The following MCCC2 variants were observed in gnomAD, a reference collection of about 807,000 sequenced individuals.
The protein encoded by MCCC2 is methylcrotonoyl-CoA carboxylase beta chain, mitochondrial.
A neutral mutation model predicts 77.2 loss-of-function variants in MCCC2; 52 were observed. The ratio of observed to expected loss-of-function variants is 0.67; its 90% CI spans 0.54 to 0.85. The LOEUF is 0.85. Ranked by LOEUF, MCCC2 falls within the 40% of genes least tolerant of loss-of-function variation. The pLI is 0.00. For synonymous variants in MCCC2, 253 were observed against 248.4 expected (o/e 1.02, Z -0.18); for missense variants, 682 against 703.2 (o/e 0.97, Z 0.34).
rs554203675 is a variant in MCCC2, at chr5:71,650,974, A to G, written c.1488+791A>G. 1.4e-4 allele frequency among the ~76,000 whole-genome samples: 22 copies of G among 152,072 alleles called. No individual in the cohort carries two copies. The East Asian group carries it at 3.5e-3, about 24-fold the overall frequency. On this transcript the variant is annotated intron_variant, in intron 15 of 16. Coordinates refer to ENST00000340941, the MANE Select transcript of MCCC2 (RefSeq NM_022132.5). ...TAATTTTTGTATTTTTAGTAGAGAC[A>G]GGGTTTCACTATGTTGGCCAGGCTG...
intron 13 of MCCC2, 124 bp from the exon 14 acceptor site, chr5:71,648,973 A>G: frequency 8.8e-7 from 1 of 1,136,706 alleles, no homozygotes; most frequent in Non-Finnish European, 1.3e-6. Context: ...ACATATAAAC[A>G]TTTTCTTAAG....
intron 1 of MCCC2, among the ~76,000 whole-genome samples, chr5:71,589,146 A>G (rs989396534): frequency 2.6e-5 from 4 of 152,160 alleles, no homozygotes; most frequent in African/African-American, 9.7e-5. Flanking sequence ...TTATAGAGTT[A>G]ATAACTGAGT....
chr5:71,619,399 G>A (rs924777076), intron 6 of MCCC2, among the ~76,000 whole-genome samples: 1 of 151,958 alleles, frequency 6.6e-6, no homozygotes, highest in African/African-American at 2.4e-5. Context: ...GACTTCAGGT[G>A]CACACCACCT....
intron 8 of MCCC2, 111 bp from the exon 9 acceptor site, chr5:71,634,832 T>G (rs529171682): frequency 1.0e-6 from 1 of 955,204 alleles, no homozygotes; most frequent in Admixed American, 2.0e-5. Flanking sequence ...TTTAAGTGTT[T>G]TAGAAGTAAA....
At chr5:71,629,212 AAAAG>A (rs970687994) in intron 7 of MCCC2, among the ~76,000 whole-genome samples, 7 of 151,962 alleles carry the variant, frequency 4.6e-5, no homozygotes, top group Admixed American at 1.3e-4. Context: ...TCAAAAAAAA[AAAAG>A]AAAGAAAGAA....
At chr5:71,593,562 A>ATTTTTTTTTTTTTTT (rs555848378) in intron 2 of MCCC2, among the ~76,000 whole-genome samples, 2 of 148,882 alleles carry the variant, frequency 1.3e-5, no homozygotes, top group African/African-American at 2.5e-5. Flanking sequence ...ATTTTTATTA[A>ATTTTTTTTTTTTTTT]TTTTTTTTTT....
Position 71,643,677 on chromosome 5 carries a change from G to A in MCCC2, c.1073-142G>A, listed in dbSNP as rs1747192685. The A allele has an allele frequency of 3.9e-6, 6 of 1,525,626 alleles. No homozygotes were observed. The East Asian group carries it at 1.4e-4, about 35-fold the overall frequency. 94.5% of individuals were successfully genotyped at this position (1,525,626 alleles called of 1,614,324 possible). On this transcript the variant is annotated intron_variant, in intron 11 of 16. Coordinates refer to ENST00000340941, the MANE Select transcript of MCCC2 (RefSeq NM_022132.5). ...TAGGAACAAGAAGATTGTGACATGA[G>A]CTGTTTTATACCATAGACAAAATCT...
At chr5:71,612,196 T>C (rs1400015362) in intron 6 of MCCC2, among the ~76,000 whole-genome samples, 2 of 152,240 alleles carry the variant, frequency 1.3e-5, no homozygotes, top group African/African-American at 4.8e-5. Context: ...GGATGTTTGT[T>C]ATTCTGTAAT....
At chr5:71,630,746 T>C (rs1417784489) in intron 7 of MCCC2, among the ~76,000 whole-genome samples, 1 of 152,186 alleles carries the variant, frequency 6.6e-6, no homozygotes, top group Admixed American at 6.5e-5. Flanking sequence ...ATAAGTTGTT[T>C]CTATGCTGTA....
At chr5:71,599,411 A>C (rs1176105561) in intron 3 of MCCC2, among the ~76,000 whole-genome samples, 1 of 151,770 alleles carries the variant, frequency 6.6e-6, no homozygotes, top group East Asian at 2.0e-4. Context: ...GGGTCTCACT[A>C]TGTTGTCCTG....
At chr5:71,609,152 C>T (rs1221948892) in intron 6 of MCCC2, among the ~76,000 whole-genome samples, 6 of 152,014 alleles carry the variant, frequency 3.9e-5, no homozygotes, top group Non-Finnish European at 7.4e-5. Context: ...GGATAATATC[C>T]TGCAGAGTGT....
intron 1 of MCCC2, among the ~76,000 whole-genome samples, chr5:71,589,919 A>C (rs1178146756): frequency 1.3e-5 from 2 of 152,156 alleles, no homozygotes; most frequent in African/African-American, 4.8e-5. Flanking sequence ...CAGGGTCTTA[A>C]CTGTTGCTCT....
At chr5:71,639,791 A>G (rs1747059222) in intron 10 of MCCC2, among the ~76,000 whole-genome samples, 1 of 152,224 alleles carries the variant, frequency 6.6e-6, no homozygotes, top group African/African-American at 2.4e-5. Context: ...CAATTTTTAC[A>G]GGTATATAGC....
chr5:71,598,907 A>G (rs1207958640), intron 3 of MCCC2, among the ~76,000 whole-genome samples: 1 of 151,050 alleles, frequency 6.6e-6, no homozygotes, highest in Non-Finnish European at 1.5e-5. Flanking sequence ...ATGTGCCATC[A>G]TGCCCAGCTG....
At chr5:71,619,806 A>G (rs771822235) in intron 6 of MCCC2, among the ~76,000 whole-genome samples, 4 of 152,004 alleles carry the variant, frequency 2.6e-5, no homozygotes, top group African/African-American at 4.8e-5. Flanking sequence ...CCTGGCTAAC[A>G]TGGTGAAATC....
chr5:71,647,178 C>T (rs1038532772), intron 13 of MCCC2, among the ~76,000 whole-genome samples: 2 of 152,188 alleles, frequency 1.3e-5, no homozygotes, highest in Admixed American at 6.5e-5. Flanking sequence ...CCTCCCCCAT[C>T]CCAGGCTACC....
chr5:71,596,339 A>C lies in MCCC2; in HGVS notation c.256A>C (p.Arg86=), dbSNP rs766073005. The C allele has an allele frequency of 6.2e-7, 1 of 1,614,204 alleles. No homozygotes were observed. The highest frequency in any genetic ancestry group is 8.5e-7 in the Non-Finnish European group (1 of 1,180,036). ...ISRGKLLPRE[R]IDNLIDPGSP... is the part of the protein sequence containing the mutation. ...AAGAGGAAAACTATTGCCCAGAGAA[A>C]GAATTGACAATCTCATAGACCCAGG... The change falls in exon 3 of 17, where the codon AGA becomes CGA. Residue 86 remains arginine, a synonymous_variant. Coordinates refer to ENST00000340941, the MANE Select transcript of MCCC2 (RefSeq NM_022132.5).
At chr5:71,602,780 T>C in intron 5 of MCCC2, 147 bp downstream of exon 5, 1 of 1,213,104 alleles carries the variant, frequency 8.2e-7, no homozygotes, top group East Asian at 2.5e-5. Flanking sequence ...GGTTCTTTGC[T>C]GAAAACTCTG....
intron 8 of MCCC2, among the ~76,000 whole-genome samples, chr5:71,633,770 T>C (rs896308907): frequency 6.6e-5 from 10 of 152,268 alleles, no homozygotes; most frequent in African/African-American, 2.4e-4. Flanking sequence ...TTTACTGATT[T>C]AGAAGCTGTT....
Sources: gnomAD v4.1 joint callset for allele counts (sites outside exome capture counted in the v4.1 genomes callset) on GRCh38, gnomAD v4.1.1 for gene constraint, MANE v1.5 for transcripts, NCBI Gene and HGNC (gene_info 2026-07-23, HGNC 2026-07-21) for gene names.